Variants in PTPRN2 observed in about 807,000 individuals in gnomAD.
PTPRN2 encodes the protein protein tyrosine phosphatase receptor type N2.
In PTPRN2, 74 loss-of-function variants were observed where a neutral mutation model predicts 118.8. The ratio of observed to expected loss-of-function variants is 0.62; its 90% CI spans 0.52 to 0.76. PTPRN2 has a LOEUF of 0.76. Among genes scored for constraint, PTPRN2 ranks in the 30% least tolerant of loss-of-function variants. The pLI is 0.00. For missense variants in PTPRN2, 1,481 were observed against 1,394.4 expected (o/e 1.06, Z -0.99); for synonymous variants, 641 against 608.0 (o/e 1.05, Z -0.80).
rs371066978 is a variant in PTPRN2 at position 157,734,113 on chromosome 7, G to A, written c.1789-51176C>T. Among the ~76,000 whole-genome samples the A allele has an allele frequency of 1.2e-4, 9 of 73,096 alleles. 1 individual carries two copies. Among genetic ancestry groups the A allele is most frequent in the Admixed American group, 2.8e-4 (2 of 7,030 alleles). 48.0% of individuals were successfully genotyped at this position (73,096 alleles called of 152,430 possible). A position where few individuals can be genotyped will look rare whatever the true frequency, so the allele number is the denominator to read the frequency against. ...ACAGTTACCCTTTCCCGTCCCATGC[G>A]CCCAGCACAGTTACCCTTTCCCGTC... On this transcript the variant is annotated intron_variant, in intron 12 of 22. Coordinates refer to ENST00000389418, the MANE Select transcript of PTPRN2 (RefSeq NM_002847.5).
chr7:157,664,128 G>T (rs1005945420), intron 13 of PTPRN2, among the ~76,000 whole-genome samples: 1 of 152,204 alleles, frequency 6.6e-6, no homozygotes, highest in African/African-American at 2.4e-5. Context: ...GGGGGAGGGG[G>T]CCACACTCCT....
chr7:158,175,092 C>T (rs1161684970), intron 5 of PTPRN2, among the ~76,000 whole-genome samples: 15 of 152,162 alleles, frequency 9.9e-5, no homozygotes, highest in Admixed American at 9.2e-4. Flanking sequence ...TGGTCTCTGC[C>T]CATGCTCATC....
intron 5 of PTPRN2, among the ~76,000 whole-genome samples, chr7:158,175,230 A>G (rs1303363408): frequency 6.6e-6 from 1 of 152,160 alleles, no homozygotes; most frequent in African/African-American, 2.4e-5. Flanking sequence ...CACCTTGATC[A>G]CGGCGTGCTT....
At chr7:158,279,459 G>T (rs1019068808) in intron 3 of PTPRN2, among the ~76,000 whole-genome samples, 1 of 152,202 alleles carries the variant, frequency 6.6e-6, no homozygotes, top group Non-Finnish European at 1.5e-5. Context: ...GGGCACTCCA[G>T]GCAGCCCAAT....
At position 157,727,045 on chromosome 7, in the gene PTPRN2, T is replaced by C. The variant is rs146522608; in HGVS notation, c.1789-44108A>G. Among the ~76,000 whole-genome samples, 19 of 152,328 alleles carry C rather than the reference T, an allele frequency of 1.2e-4. No individual in the cohort carries two copies. In the East Asian group the frequency reaches 1.4e-3, roughly 11 times the overall value. ...GCAGAGAGATGGGAACACTGCGCTA[T>C]TGCAGCAGCTAGGGAGAACAGGGTG... On this transcript the variant is annotated intron_variant, in intron 12 of 22. Transcript: ENST00000389418.
intron 12 of PTPRN2, among the ~76,000 whole-genome samples, chr7:157,843,054 A>C (rs944213298): frequency 3.9e-5 from 6 of 152,202 alleles, no homozygotes; most frequent in Non-Finnish European, 1.5e-5. Context: ...TTTCCCCTGT[A>C]AAATTAAATG....
chr7:157,820,846 T>G (rs1806792511), intron 12 of PTPRN2, among the ~76,000 whole-genome samples: 1 of 152,248 alleles, frequency 6.6e-6, no homozygotes, highest in African/African-American at 2.4e-5. Flanking sequence ...GGAGAGGATT[T>G]GACAGCCTCA....
At position 158,444,415 on chromosome 7, in the gene PTPRN2, G is replaced by C. The variant is rs370486939; in HGVS notation, c.163+45320C>G. ...AGTGTTTGTTTCTCCCTGAAAACCT[G>C]ATTTGACTTCACTCAAAATCTCCAC... On this transcript the variant is annotated intron_variant, in intron 2 of 22. Transcript: ENST00000389418. Among the ~76,000 whole-genome samples the C allele has an allele frequency of 8.5e-5, 13 of 152,354 alleles. No homozygotes were observed. The East Asian group carries it at 2.5e-3, about 29-fold the overall frequency.
chr7:158,168,370 C>T (rs1413829079), intron 5 of PTPRN2, among the ~76,000 whole-genome samples: 1 of 152,168 alleles, frequency 6.6e-6, no homozygotes, highest in Non-Finnish European at 1.5e-5. Context: ...GGCGGTGCCT[C>T]CCTGGTGGCT....
intron 12 of PTPRN2, among the ~76,000 whole-genome samples, chr7:157,768,313 A>C (rs955108299): frequency 6.6e-6 from 1 of 152,236 alleles, no homozygotes; most frequent in African/African-American, 2.4e-5. Flanking sequence ...CGAGCAGCTC[A>C]TCTGCGTTCG....
rs534795850 is a variant in PTPRN2 at position 158,061,490 on chromosome 7, G to A, written c.1723+19808C>T. Among the ~76,000 whole-genome samples, 516 of 151,896 alleles carry A rather than the reference G, an allele frequency of 3.4e-3. 2 individuals carry two copies. The highest frequency in any genetic ancestry group is 0.012 in the African/African-American group (480 of 41,156). On this transcript the variant is annotated intron_variant, in intron 11 of 22. Coordinates refer to ENST00000389418, the MANE Select transcript of PTPRN2 (RefSeq NM_002847.5). ...AATGGACCGTGCCGCCAATGCACTC[G>A]GCGCTGAACCATCATTGAGGAGAGA...
chr7:158,079,699 G>A (rs1280069620), intron 11 of PTPRN2, among the ~76,000 whole-genome samples: 1 of 152,200 alleles, frequency 6.6e-6, no homozygotes, highest in African/African-American at 2.4e-5. Flanking sequence ...TTCTGACAGG[G>A]AACTAGAGCA....
chr7:158,025,742 G>A (rs777944687), intron 11 of PTPRN2, among the ~76,000 whole-genome samples: 4 of 152,286 alleles, frequency 2.6e-5, no homozygotes, highest in East Asian at 1.9e-4. Context: ...AAAAGGATTC[G>A]CTGTGTGGTG....
chr7:157,816,200 G>A (rs957509183), intron 12 of PTPRN2, among the ~76,000 whole-genome samples: 1 of 152,124 alleles, frequency 6.6e-6, no homozygotes, highest in Admixed American at 6.5e-5. Flanking sequence ...CCTGCCTCCC[G>A]CCTCCTAGCG....
chr7:158,050,205 G>A (rs956009149), intron 11 of PTPRN2, among the ~76,000 whole-genome samples: 1 of 152,224 alleles, frequency 6.6e-6, no homozygotes, highest in African/African-American at 2.4e-5. Context: ...TTTAAAAAGA[G>A]TGAAAATATT....
chr7:158,069,327 C>T (rs1210012667), intron 11 of PTPRN2, among the ~76,000 whole-genome samples: 1 of 152,214 alleles, frequency 6.6e-6, no homozygotes, highest in African/African-American at 2.4e-5. Flanking sequence ...CCTCAACCTC[C>T]TGTGTGGGAC....
chr7:157,922,540 A>C (rs61611284), intron 11 of PTPRN2, among the ~76,000 whole-genome samples: 11,952 of 152,266 alleles, frequency 0.078, 1,508 homozygotes, highest in African/African-American at 0.26. Context: ...CAAACTTACC[A>C]CTGCTAAGTG....
In PTPRN2 at chr7:158,159,930, T is replaced by C. The variant is rs1822207177; in HGVS notation, c.910+7001A>G. Among the ~76,000 whole-genome samples, 3 of 89,278 alleles carry C rather than the reference T, an allele frequency of 3.4e-5. No individual in the cohort carries two copies. The South Asian group carries it at 1.1e-3, about 32-fold the overall frequency. 58.6% of individuals were successfully genotyped at this position (89,278 alleles called of 152,430 possible). A position where few individuals can be genotyped will look rare whatever the true frequency, so the allele number is the denominator to read the frequency against. Reference sequence around the variant, plus strand: ...CAGTCCCAATTGCCATAATCCCAAATAGTGAAATCCCCAAATATCTGAATA... The same window carrying C: ...CAGTCCCAATTGCCATAATCCCAAACAGTGAAATCCCCAAATATCTGAATA... On this transcript the variant is annotated intron_variant, in intron 6 of 22. Transcript: ENST00000389418.
Position 158,067,299 on chromosome 7 carries a change from G to T in PTPRN2, c.1723+13999C>A, listed in dbSNP as rs536963685. Among the ~76,000 whole-genome samples, 56 of 152,350 alleles carry T rather than the reference G, an allele frequency of 3.7e-4. 2 individuals carry two copies. The South Asian group carries it at 0.011, about 30-fold the overall frequency. ...TGCCTTGCAGTCGTCTACCTTCCCTGCCGCTGCTCCGGCCAGCAGGCATTT... is the reference window on the plus strand; with the variant it reads ...TGCCTTGCAGTCGTCTACCTTCCCTTCCGCTGCTCCGGCCAGCAGGCATTT... On this transcript the variant is annotated intron_variant, in intron 11 of 22. Coordinates refer to ENST00000389418, the MANE Select transcript of PTPRN2 (RefSeq NM_002847.5).
Sources: gnomAD v4.1 joint callset for allele counts (sites outside exome capture counted in the v4.1 genomes callset) on GRCh38, gnomAD v4.1.1 for gene constraint, MANE v1.5 for transcripts, NCBI Gene and HGNC (gene_info 2026-07-23, HGNC 2026-07-21) for gene names.